Variants in COL27A1 observed in about 807,000 individuals in gnomAD.
The protein encoded by COL27A1 is collagen alpha-1(XXVII) chain.
In COL27A1, 106 loss-of-function variants were observed where a neutral mutation model predicts 251.3. The observed-to-expected ratio is 0.42, with a 90% CI of 0.36 to 0.50. COL27A1 has a LOEUF of 0.50. Among genes scored for constraint, COL27A1 ranks in the 20% least tolerant of loss-of-function variants. The pLI, the probability that COL27A1 is intolerant of heterozygous loss-of-function variation, is 0.00. For missense variants in COL27A1, 2,325 were observed against 2,522.8 expected (o/e 0.92, Z 1.68); for synonymous variants, 1,000 against 986.3 (o/e 1.01, Z -0.26).
chr9:114,255,005 G>A (rs1000909362), intron 27 of COL27A1, among the ~76,000 whole-genome samples: 10 of 152,210 alleles, frequency 6.6e-5, no homozygotes, highest in African/African-American at 2.4e-4. Context: ...TCACCCAGAG[G>A]AGAAGGCATC....
At chr9:114,260,747 G>A (rs1834259784) in intron 28 of COL27A1, among the ~76,000 whole-genome samples, 1 of 152,138 alleles carries the variant, frequency 6.6e-6, no homozygotes, top group Non-Finnish European at 1.5e-5. Context: ...TGAAAAGAAT[G>A]AGGACTCTGG....
chr9:114,274,469 G>A (rs1416409804), intron 36 of COL27A1, among the ~76,000 whole-genome samples: 4 of 152,174 alleles, frequency 2.6e-5, no homozygotes, highest in South Asian at 2.1e-4. Context: ...GACTAAAAGC[G>A]GACCAGCCTT....
At chr9:114,204,032 TAGAG>T (rs1564464155) in intron 7 of COL27A1, among the ~76,000 whole-genome samples, 1 of 152,068 alleles carries the variant, frequency 6.6e-6, no homozygotes, top group African/African-American at 2.4e-5. Flanking sequence ...CGGCAGCACA[TAGAG>T]AGGGTCTACA....
intron 32 of COL27A1, 119 bp from the exon 33 acceptor site, chr9:114,266,446 T>C: frequency 1.4e-6 from 1 of 737,122 alleles, no homozygotes; most frequent in Non-Finnish European, 2.3e-6. Context: ...TGGGGCGGAC[T>C]AGGGGTGTGC....
chr9:114,309,117 G>C lies in COL27A1; in HGVS notation c.5218-143G>C. 5.4e-6 allele frequency: 4 copies of C among 736,072 alleles called. No homozygotes were observed. The South Asian group carries it at 6.3e-5, about 12-fold the overall frequency. The allele number at this position is 736,072 out of a possible 1,614,324, so 45.6% of individuals were successfully genotyped here. ...AGACCTCAGTTTCCCCGTCTATCAAGTGGGCACATGTCTGGGAGCATATCA... is the reference window on the plus strand; with the variant it reads ...AGACCTCAGTTTCCCCGTCTATCAACTGGGCACATGTCTGGGAGCATATCA... On this transcript the variant is annotated intron_variant, in intron 59 of 60. Coordinates refer to ENST00000356083, the MANE Select transcript of COL27A1 (RefSeq NM_032888.4).
Position 114,270,970 on chromosome 9 carries a change from A to C in COL27A1, c.3609+189A>C, listed in dbSNP as rs932791060. 1.2e-5 allele frequency: 7 copies of C among 584,414 alleles called. No homozygotes were observed. The Admixed American group carries it at 1.4e-4, about 12-fold the overall frequency. 36.2% of individuals were successfully genotyped at this position (584,414 alleles called of 1,614,324 possible). A position where few individuals can be genotyped will look rare whatever the true frequency, so the allele number is the denominator to read the frequency against. ...AGCCACCTCCCACCCTGCCCTCTGC[A>C]CTACCTGCTCAGGTGGGACCAGGGC... On this transcript the variant is annotated intron_variant, in intron 36 of 60. Transcript: ENST00000356083.
chr9:114,295,389 A>G (rs567620085), intron 49 of COL27A1, among the ~76,000 whole-genome samples: 1 of 152,258 alleles, frequency 6.6e-6, no homozygotes, highest in South Asian at 2.1e-4. Flanking sequence ...ATTCAACACA[A>G]TTCCAATGTA....
At chr9:114,259,054 G>A (rs983986065) in intron 28 of COL27A1, among the ~76,000 whole-genome samples, 1 of 152,218 alleles carries the variant, frequency 6.6e-6, no homozygotes, top group Non-Finnish European at 1.5e-5. Flanking sequence ...TTAGCAGCCT[G>A]GAAGCCCAGA....
At chr9:114,294,928 T>C (rs952959814) in intron 49 of COL27A1, among the ~76,000 whole-genome samples, 5 of 152,262 alleles carry the variant, frequency 3.3e-5, no homozygotes, top group African/African-American at 1.2e-4. Flanking sequence ...AATGTCTATG[T>C]AGAAGATCCA....
At chr9:114,178,964 G>A (rs1827688861) in intron 4 of COL27A1, among the ~76,000 whole-genome samples, 1 of 152,162 alleles carries the variant, frequency 6.6e-6, no homozygotes, top group Non-Finnish European at 1.5e-5. Flanking sequence ...TCATTTTAGA[G>A]ATGAGGAAAC....
In COL27A1 at chr9:114,290,944, C is replaced by A. The variant is rs184698371; in HGVS notation, c.4476+27C>A. On this transcript the variant is annotated intron_variant, in intron 48 of 60. Transcript: ENST00000356083. The surrounding 1 kb of genome is among the most constrained non-coding windows in gnomAD (Gnocchi z 4.6). ...TCAGATACCTCTTAATACACTTACC[C>A]ACCCTCTGCCCTTTCTGCCTTGATG... The A allele has an allele frequency of 2.5e-4, 376 of 1,494,956 alleles. No individual in the cohort carries two copies. In the African/African-American group the frequency reaches 4.4e-3, roughly 17 times the overall value. The allele number at this position is 1,494,956 out of a possible 1,614,324, so 92.6% of individuals were successfully genotyped here.
chr9:114,304,088 G>A (rs1047124837), intron 56 of COL27A1, among the ~76,000 whole-genome samples: 1 of 152,198 alleles, frequency 6.6e-6, no homozygotes, highest in Non-Finnish European at 1.5e-5. Flanking sequence ...CCCCTCCCCC[G>A]GCTTGAACAA....
Position 114,252,666 on chromosome 9 carries a change from C to A in COL27A1, c.3087+20C>A. On this transcript the variant is annotated intron_variant, in intron 26 of 60. Transcript: ENST00000356083. Reference sequence around the variant, plus strand: ...TCGATGGTAAGGAGTAAGTCTGCATCCTCTTGCCCTCTCCTGTTGCAGCCT... The same window carrying A: ...TCGATGGTAAGGAGTAAGTCTGCATACTCTTGCCCTCTCCTGTTGCAGCCT... The A allele has an allele frequency of 6.2e-7, 1 of 1,610,184 alleles. No individual in the cohort carries two copies. Among genetic ancestry groups the A allele is most frequent in the Non-Finnish European group, 8.5e-7 (1 of 1,176,614 alleles).
At chr9:114,252,986 G>T in intron 27 of COL27A1, 54 bp downstream of exon 27, 2 of 1,449,232 alleles carry the variant, frequency 1.4e-6, no homozygotes, top group South Asian at 1.2e-5. Context: ...ATAAGGGTTA[G>T]GTGGCTGGGT....
chr9:114,193,914 A>G (rs973841477), intron 5 of COL27A1, among the ~76,000 whole-genome samples: 1 of 152,106 alleles, frequency 6.6e-6, no homozygotes, highest in Non-Finnish European at 1.5e-5. Context: ...AGAGCTCTAC[A>G]AGTAGGATGT....
chr9:114,179,611 C>T (rs949452601), intron 4 of COL27A1, among the ~76,000 whole-genome samples: 1 of 152,218 alleles, frequency 6.6e-6, no homozygotes, highest in African/African-American at 2.4e-5. Flanking sequence ...GGGCCACTTT[C>T]TCAAAGCTCT....
chr9:114,183,140 T>G, intron 5 of COL27A1, 65 bp downstream of exon 5: 2 of 1,456,612 alleles, frequency 1.4e-6, no homozygotes, highest in Non-Finnish European at 1.9e-6. Flanking sequence ...TTTGCAGTGC[T>G]TCCCAGGGGT....
rs764478171 is a variant in COL27A1, at chr9:114,168,002, C to T, written c.447C>T (p.Leu149=). 19 of 1,604,412 alleles carry T rather than the reference C, an allele frequency of 1.2e-5. No homozygotes were observed. The highest frequency in any genetic ancestry group is 1.7e-4 in the Middle Eastern group (1 of 6,060). The part of the protein sequence containing the change: ...LGSRRSVAFD[L]DMHDGRWHHL... Reference sequence around the variant, plus strand: ...CCCGGCGCTCAGTGGCCTTCGACCTCGACATGCACGACGGGCGCTGGCACC... The same window carrying T: ...CCCGGCGCTCAGTGGCCTTCGACCTTGACATGCACGACGGGCGCTGGCACC... Residue 149 remains leucine (L), a synonymous_variant, in exon 3 of 61, where the codon CTC becomes CTT. Coordinates refer to ENST00000356083, the MANE Select transcript of COL27A1 (RefSeq NM_032888.4).
At chr9:114,229,579 C>A (rs548585572) in intron 14 of COL27A1, among the ~76,000 whole-genome samples, 61 of 152,278 alleles carry the variant, frequency 4.0e-4, no homozygotes, top group African/African-American at 1.4e-3. Context: ...TGCCAGGGGC[C>A]TCTGTAGAGC....
Sources: gnomAD v4.1 joint callset for allele counts (sites outside exome capture counted in the v4.1 genomes callset) on GRCh38, gnomAD v4.1.1 for gene constraint, Gnocchi (gnomAD v3.1) non-coding constraint, MANE v1.5 for transcripts, NCBI Gene and HGNC (gene_info 2026-07-23, HGNC 2026-07-21) for gene names.